Variants in WIZ observed in about 807,000 individuals in gnomAD.
WIZ encodes protein Wiz.
In WIZ, 25 loss-of-function variants were observed where a neutral mutation model predicts 140.2. The observed-to-expected ratio is 0.18, with a 90% CI of 0.13 to 0.25. WIZ has a LOEUF of 0.25. WIZ is among the 10% of genes least tolerant of loss of function. The probability of loss-of-function intolerance (pLI) is 1.00; values close to 1 mark genes in which losing one functional copy is unlikely to be tolerated. For missense variants in WIZ, 2,231 were observed against 2,632.6 expected (o/e 0.85, Z 3.34); for synonymous variants, 1,125 against 1,154.3 (o/e 0.97, Z 0.51).
At chr19:15,444,069 A>G (rs1417496430) in intron 2 of WIZ, among the ~76,000 whole-genome samples, 2 of 152,206 alleles carry the variant, frequency 1.3e-5, no homozygotes, top group Non-Finnish European at 2.9e-5. Flanking sequence ...CAAGGTTAAC[A>G]CACTGGGGGA....
rs562383904 is a variant in WIZ at position 15,433,381 on chromosome 19, T to C, written c.2741-2199A>G. 1.6e-5 allele frequency: 16 copies of C among 982,868 alleles called. No homozygotes were observed. In the African/African-American group the frequency reaches 2.6e-4, roughly 16 times the overall value. 60.9% of individuals were successfully genotyped at this position (982,868 alleles called of 1,614,324 possible). On this transcript the variant is annotated intron_variant, in intron 5 of 12. Coordinates refer to ENST00000673675, the MANE Select transcript of WIZ (RefSeq NM_001371589.1). ...CCCCAACCTGGCACCCGCCCCCTCC[T>C]GCCCACTTAGGGAGAGGGGGCAGGC...
chr19:15,440,679 G>A lies in WIZ; in HGVS notation c.315C>T (p.Gly105=), dbSNP rs926706746. 6.6e-7 allele frequency: 1 copy of A among 1,513,702 alleles called. No homozygotes were observed. Among genetic ancestry groups the A allele is most frequent in the South Asian group, 1.2e-5 (1 of 82,584 alleles). 93.8% of individuals were successfully genotyped at this position (1,513,702 alleles called of 1,614,324 possible). ...WDGGSLDFRP[G]SPPPHLLGHF... is the part of the protein sequence containing the mutation. ...GGCCCAGGAGATGGGGTGGTGGGGA[G>A]CCCGGCCGGAAGTCCAGGCTGCCTC... Residue 105 remains glycine, a synonymous_variant, in exon 4 of 13, where the codon GGC becomes GGT. Coordinates refer to ENST00000673675, the MANE Select transcript of WIZ (RefSeq NM_001371589.1). The surrounding 1 kb of genome is among the most constrained non-coding windows in gnomAD (Gnocchi z 6.2).
intron 5 of WIZ, chr19:15,432,385 G>A (rs895420847): frequency 8.1e-5 from 79 of 970,470 alleles, no homozygotes; most frequent in Non-Finnish European, 9.7e-5. Flanking sequence ...ACCGGCAGGC[G>A]GGATTCCGAC....
Position 15,424,334 on chromosome 19 carries a change from G to A in WIZ, c.5359C>T (p.Arg1787Trp), listed in dbSNP as rs199872237. 62 of 1,603,438 alleles carry A rather than the reference G, an allele frequency of 3.9e-5. No individual in the cohort carries two copies. Among genetic ancestry groups the A allele is most frequent in the African/African-American group, 1.1e-4 (8 of 73,846 alleles). ...QARPPDASAARGGEDTNDLQQ... is the reference protein window; with the variant it reads ...QARPPDASAAWGGEDTNDLQQ... ...AGGTCATTGGTGTCCTCGCCTCCCC[G>A]GGCTGCGGAGGCATCTGGAGGGCGG... The change falls in exon 12 of 13, where the codon CGG becomes TGG. Residue 1787 changes from arginine (R) to tryptophan (W), a missense_variant. Transcript: ENST00000673675. This position sits in a 1 kb window ranked among gnomAD's most constrained non-coding sequence, Gnocchi z 9.7.
intron 2 of WIZ, among the ~76,000 whole-genome samples, chr19:15,445,144 A>G (rs1326391909): frequency 6.6e-6 from 1 of 152,224 alleles, no homozygotes; most frequent in Non-Finnish European, 1.5e-5. Flanking sequence ...GGCCATGCCA[A>G]GGGGCCCTTG....
chr19:15,436,616 A>C (rs764667349), intron 5 of WIZ, 190 bp downstream of exon 5: 3 of 571,736 alleles, frequency 5.2e-6, no homozygotes, highest in African/African-American at 2.0e-5. Flanking sequence ...GACCTGGCCC[A>C]GATCCTGAGT....
chr19:15,438,963 C>T lies in WIZ; in HGVS notation c.2031G>A (p.Gln677=). The T allele has an allele frequency of 6.9e-7, 1 of 1,451,628 alleles. No homozygotes were observed. The highest frequency in any genetic ancestry group is 1.4e-5 in the African/African-American group (1 of 70,262). 89.9% of individuals were successfully genotyped at this position (1,451,628 alleles called of 1,614,324 possible). The change falls in exon 4 of 13, where the codon CAG becomes CAA. Residue 677 remains glutamine (Q), a synonymous_variant. Transcript: ENST00000673675. The stretch of plus-strand genomic sequence containing the variant: ...GCACAATGGGTACCATCCCTCGGAG[C>T]TGCTGCTGCTGCCCCTGGGTGGCCT... ...AVEATQGQQQ[Q]LRGMVPIVLV... is the part of the protein sequence containing the mutation.
chr19:15,439,049 G>A lies in WIZ; in HGVS notation c.1945C>T (p.Leu649Phe). Residue 649 changes from leucine to phenylalanine, a missense_variant, in exon 4 of 13, where the codon CTC becomes TTC. Physicochemically the swap from Leu to Phe is conservative, Grantham distance 22. Around this residue, in one of 15 missense-constraint regions of WIZ, gnomAD observed 475 missense variants for 520.2 expected, o/e 0.91. Coordinates refer to ENST00000673675, the MANE Select transcript of WIZ (RefSeq NM_001371589.1). The surrounding 1 kb of genome is among the most constrained non-coding windows in gnomAD (Gnocchi z 7.0). ...AGCTCCAGGGCCGCCTGCGGGATGAGGCTGGGGGTGGCTAGGGGTGAAAAG... is the reference window on the plus strand; with the variant it reads ...AGCTCCAGGGCCGCCTGCGGGATGAAGCTGGGGGTGGCTAGGGGTGAAAAG... ...GVFSPLATPS[L>F]IPQAALELKQ... The A allele has an allele frequency of 1.3e-6, 2 of 1,498,668 alleles. No homozygotes were observed. The highest frequency in any genetic ancestry group is 1.8e-6 in the Non-Finnish European group (2 of 1,127,054). 92.8% of individuals were successfully genotyped at this position (1,498,668 alleles called of 1,614,324 possible). A position where few individuals can be genotyped will look rare whatever the true frequency, so the allele number is the denominator to read the frequency against.
rs1290888005 is a variant in WIZ at position 15,432,612 on chromosome 19, G to C, written c.2741-1430C>G. 1.5e-5 allele frequency: 3 copies of C among 201,470 alleles called. No individual in the cohort carries two copies. The South Asian group carries it at 5.3e-4, about 35-fold the overall frequency. The allele number at this position is 201,470 out of a possible 1,614,324, so 12.5% of individuals were successfully genotyped here. On this transcript the variant is annotated intron_variant, in intron 5 of 12. Coordinates refer to ENST00000673675, the MANE Select transcript of WIZ (RefSeq NM_001371589.1). ...GGGGGCTGGGCGGGGGCGCCCCCGC[G>C]GGCGCGCGCTCCCGGGCGCCCCCCG...
rs1158167090 is a variant in WIZ, at chr19:15,427,404, T to C, written c.3944A>G (p.Asn1315Ser). 2.5e-6 allele frequency: 4 copies of C among 1,613,660 alleles called. No homozygotes were observed. The highest frequency in any genetic ancestry group is 1.3e-5 in the African/African-American group (1 of 75,012). The stretch of plus-strand genomic sequence containing the variant: ...CCGCAGCGTGTCGATGGGCGAGCCA[T>C]TGACGTACCACTCGGTCACGCCCAT... ...RQMGVTEWYV[N>S]GSPIDTLREI... is the part of the protein sequence containing the mutation. Residue 1315 changes from asparagine (N) to serine (S), a missense_variant, in exon 9 of 13, where the codon AAT (asparagine) becomes AGT (serine). Coordinates refer to ENST00000673675, the MANE Select transcript of WIZ (RefSeq NM_001371589.1). The surrounding 1 kb of genome is among the most constrained non-coding windows in gnomAD (Gnocchi z 6.4).
chr19:15,437,532 T>G (rs897924001), intron 4 of WIZ, among the ~76,000 whole-genome samples: 2 of 152,238 alleles, frequency 1.3e-5, no homozygotes, highest in African/African-American at 4.8e-5. Flanking sequence ...GGTGCGTGCC[T>G]GTAGTCCCAG....
Position 15,427,313 on chromosome 19 carries a change from T to C in WIZ, c.4035A>G (p.Pro1345=). 6.2e-7 allele frequency: 1 copy of C among 1,613,626 alleles called. No homozygotes were observed. ...CGCCCATCATCTTGGCCAGGGCTTT[T>C]GGGCTTGGCCCTGGTGGGTTGGGAG... is the stretch of plus-strand genomic sequence containing the variant. The part of the protein sequence containing the change: ...GGPPNPPGPS[P]KALAKMMGGA... Residue 1345 remains proline (P), a synonymous_variant, in exon 9 of 13, where the codon CCA becomes CCG. Transcript: ENST00000673675. This position sits in a 1 kb window ranked among gnomAD's most constrained non-coding sequence, Gnocchi z 6.4.
chr19:15,448,956 C>A (rs1252701089), intron 1 of WIZ, among the ~76,000 whole-genome samples: 1 of 152,030 alleles, frequency 6.6e-6, no homozygotes, highest in East Asian at 1.9e-4. Context: ...CCTTCACCCC[C>A]CTCCACACAC....
In WIZ at chr19:15,438,739, G is replaced by A; in HGVS notation, c.2255C>T (p.Pro752Leu). 6.5e-7 allele frequency: 1 copy of A among 1,535,934 alleles called. No homozygotes were observed. The highest frequency in any genetic ancestry group is 8.7e-7 in the Non-Finnish European group (1 of 1,146,716). Residue 752 changes from proline (P) to leucine (L), a missense_variant, in exon 4 of 13, where the codon CCC becomes CTC. Transcript: ENST00000673675. ...GTTGTGGAAGCGATCGGGGCAGTAG[G>A]GGCATTTCCGCTCCTCGTGCTTCAG... is the stretch of plus-strand genomic sequence containing the variant. ...MALKHEERKC[P>L]YCPDRFHNGI...
chr19:15,448,140 G>A lies in WIZ; in HGVS notation c.168C>T (p.Gly56=), dbSNP rs538978864. ...STRYLPVTKE[G]PRDILDGRGG... ...CTCTGCCATCCAGAATGTCTCGGGGGCCCTCCTTGGTGACAGGCAGGTAAC... is the reference window on the plus strand; with the variant it reads ...CTCTGCCATCCAGAATGTCTCGGGGACCCTCCTTGGTGACAGGCAGGTAAC... The change falls in exon 2 of 13, where the codon GGC becomes GGT. Residue 56 remains glycine (G), a synonymous_variant. Coordinates refer to ENST00000673675, the MANE Select transcript of WIZ (RefSeq NM_001371589.1). 109 of 1,612,748 alleles carry A rather than the reference G, an allele frequency of 6.8e-5. 1 individual carries two copies. The South Asian group carries it at 1.1e-3, about 17-fold the overall frequency.
intron 2 of WIZ, among the ~76,000 whole-genome samples, chr19:15,444,799 C>T (rs923533957): frequency 3.3e-5 from 5 of 152,156 alleles, no homozygotes; most frequent in Admixed American, 2.0e-4. Context: ...CCTAGCATGA[C>T]CTAGAGGTGT....
chr19:15,427,015 C>T lies in WIZ; in HGVS notation c.4333G>A (p.Ala1445Thr), dbSNP rs762618499. Residue 1445 changes from alanine (A) to threonine (T), a missense_variant, in exon 9 of 13, where the codon GCA becomes ACA. By Grantham distance (58) the Ala-to-Thr change is moderately conservative. Transcript: ENST00000673675. This position sits in a 1 kb window ranked among gnomAD's most constrained non-coding sequence, Gnocchi z 6.4. The stretch of plus-strand genomic sequence containing the variant: ...AGGGGTGTCATGTCTTCCCGTGGTG[C>T]CCCCCAGGGACCCTCAGATGGGTGC... The part of the protein sequence containing the change: ...ELHPSEGPWG[A>T]PREDMTPLNL... The T allele has an allele frequency of 6.8e-6, 11 of 1,613,508 alleles. No individual in the cohort carries two copies. The highest frequency in any genetic ancestry group is 6.7e-5 in the East Asian group (3 of 44,900).
At chr19:15,429,553 G>A in intron 7 of WIZ, 33 bp downstream of exon 7, 1 of 1,115,700 alleles carries the variant, frequency 9.0e-7, no homozygotes, top group Admixed American at 4.7e-5. Context: ...CCCAGCGCCA[G>A]AACCTCCCTC....
intron 5 of WIZ, among the ~76,000 whole-genome samples, chr19:15,435,365 G>A (rs1028914421): frequency 2.0e-5 from 3 of 152,194 alleles, no homozygotes; most frequent in African/African-American, 7.2e-5. Context: ...TGCACTTTGG[G>A]AGGCTGAGGC....
Sources: gnomAD v4.1 joint callset for allele counts (sites outside exome capture counted in the v4.1 genomes callset) on GRCh38, gnomAD v4.1.1 for gene constraint, gnomAD v4.1.1 regional missense constraint, Gnocchi (gnomAD v3.1) non-coding constraint, MANE v1.5 for transcripts, NCBI Gene and HGNC (gene_info 2026-07-23, HGNC 2026-07-21) for gene names.